SPAG9: variants seen among roughly 807,000 people sequenced by gnomAD.
SPAG9 encodes the protein sperm associated antigen 9, also known as C-Jun-amino-terminal kinase-interacting protein 4.
SPAG9 carries 35 observed loss-of-function variants against 166.5 expected under a neutral mutation model. That is an observed-to-expected ratio of 0.21 (90% CI 0.16 to 0.28). The LOEUF (loss-of-function observed/expected upper bound fraction) is 0.28, where lower values mean the gene tolerates loss of function less well. Among genes scored for constraint, SPAG9 ranks in the 10% least tolerant of loss-of-function variants. The pLI is 1.00. For missense variants in SPAG9, 1,235 were observed against 1,603.3 expected (o/e 0.77, Z 3.92); for synonymous variants, 534 against 565.5 (o/e 0.94, Z 0.79).
intron 2 of SPAG9, among the ~76,000 whole-genome samples, chr17:51,066,477 C>T (rs1369866392): frequency 6.8e-6 from 1 of 147,078 alleles, no homozygotes; most frequent in Non-Finnish European, 1.5e-5. Flanking sequence ...ATTGCTTGAA[C>T]CCAGGAGACA....
intron 19 of SPAG9, among the ~76,000 whole-genome samples, chr17:50,991,920 G>A (rs1261983959): frequency 2.2e-5 from 3 of 133,828 alleles, no homozygotes; most frequent in Admixed American, 1.6e-4. Context: ...CACCATGCCA[G>A]GTCTTTTTTT....
At position 51,007,339 on chromosome 17, in the gene SPAG9, A is replaced by G. The variant is rs1364816208; in HGVS notation, c.1214-13T>C. 2 of 1,512,728 alleles carry G rather than the reference A, an allele frequency of 1.3e-6. No homozygotes were observed. The highest frequency in any genetic ancestry group is 1.4e-5 in the African/African-American group (1 of 72,268). 93.7% of individuals were successfully genotyped at this position (1,512,728 alleles called of 1,614,324 possible). A position where few individuals can be genotyped will look rare whatever the true frequency, so the allele number is the denominator to read the frequency against. On this transcript the variant is annotated splice_polypyrimidine_tract_variant and intron_variant, in intron 9 of 29. Coordinates refer to ENST00000262013, the MANE Select transcript of SPAG9 (RefSeq NM_001130528.3). ...TCCCGACCCATTCCTATCAAACGAA[A>G]AAAGATAAAGACTTTGAAAATAAAT...
At chr17:51,025,057 G>A (rs944739468) in intron 6 of SPAG9, among the ~76,000 whole-genome samples, 5 of 150,982 alleles carry the variant, frequency 3.3e-5, no homozygotes, top group African/African-American at 1.2e-4. Flanking sequence ...AGTGGCTCAC[G>A]CCTGTAATCC....
At chr17:51,008,770 A>G (rs922901405) in intron 9 of SPAG9, among the ~76,000 whole-genome samples, 2 of 152,164 alleles carry the variant, frequency 1.3e-5, no homozygotes, top group African/African-American at 4.8e-5. Flanking sequence ...AAAACAAAAT[A>G]AAAGTCCCAA....
chr17:51,061,411 G>C (rs1337183111), intron 2 of SPAG9, among the ~76,000 whole-genome samples: 2 of 151,904 alleles, frequency 1.3e-5, no homozygotes, highest in Non-Finnish European at 2.9e-5. Context: ...TCAGCAGTTC[G>C]AGACCAGCCT....
At chr17:50,987,497 A>G (rs1975144298) in intron 21 of SPAG9, among the ~76,000 whole-genome samples, 1 of 151,810 alleles carries the variant, frequency 6.6e-6, no homozygotes, top group Non-Finnish European at 1.5e-5. Context: ...ACACACTATC[A>G]CACCTGGCTT....
At chr17:51,019,701 A>G (rs2045858995) in intron 8 of SPAG9, among the ~76,000 whole-genome samples, 1 of 152,038 alleles carries the variant, frequency 6.6e-6, no homozygotes, top group Non-Finnish European at 1.5e-5. Context: ...AAAAATACAA[A>G]ATAAGCCAGG....
intron 3 of SPAG9, among the ~76,000 whole-genome samples, chr17:51,048,416 G>A (rs2047089716): frequency 6.6e-6 from 1 of 151,680 alleles, no homozygotes; most frequent in East Asian, 1.9e-4. Flanking sequence ...AGCAAAGGTT[G>A]ATGTCTTTCT....
chr17:50,987,953 C>T (rs556886204), intron 21 of SPAG9, among the ~76,000 whole-genome samples: 95 of 152,304 alleles, frequency 6.2e-4, no homozygotes, highest in African/African-American at 2.2e-3. Context: ...CGGTGGCTCA[C>T]GCCTATAATC....
chr17:51,036,426 C>T (rs1245437560), intron 5 of SPAG9, among the ~76,000 whole-genome samples: 1 of 152,164 alleles, frequency 6.6e-6, no homozygotes, highest in Non-Finnish European at 1.5e-5. Context: ...CATTCTAAAA[C>T]TCCCTTTGTG....
chr17:51,058,428 CA>C (rs2047416955), intron 2 of SPAG9, among the ~76,000 whole-genome samples: 1 of 152,138 alleles, frequency 6.6e-6, no homozygotes, highest in Non-Finnish European at 1.5e-5. Context: ...GTAACTTGCC[CA>C]AAGTCACACA....
chr17:51,093,526 C>A (rs2048526219), intron 1 of SPAG9, among the ~76,000 whole-genome samples: 1 of 151,524 alleles, frequency 6.6e-6, no homozygotes, highest in Non-Finnish European at 1.5e-5. Context: ...CATGGTGAAA[C>A]CCCGTCTCTA....
At chr17:51,080,563 C>G (rs2048132556) in intron 1 of SPAG9, among the ~76,000 whole-genome samples, 1 of 152,118 alleles carries the variant, frequency 6.6e-6, no homozygotes, top group Non-Finnish European at 1.5e-5. Flanking sequence ...CAACTGCCTA[C>G]TAGAAAACTT....
intron 8 of SPAG9, among the ~76,000 whole-genome samples, chr17:51,018,941 T>C (rs764222359): frequency 1.2e-4 from 18 of 152,194 alleles, no homozygotes; most frequent in Non-Finnish European, 2.5e-4. Flanking sequence ...CTATCTGCTA[T>C]AGTTTGAATG....
chr17:51,119,236 A>G (rs1366377789), intron 1 of SPAG9, among the ~76,000 whole-genome samples: 1 of 152,198 alleles, frequency 6.6e-6, no homozygotes, highest in Non-Finnish European at 1.5e-5. Context: ...GTGTCAGGAA[A>G]TGAGCTACAA....
At chr17:51,023,897 C>T (rs1055596439) in intron 6 of SPAG9, among the ~76,000 whole-genome samples, 4 of 152,222 alleles carry the variant, frequency 2.6e-5, no homozygotes, top group African/African-American at 4.8e-5. Flanking sequence ...GATGCCTGGC[C>T]TCAAGCGATC....
chr17:50,987,092 TTAAAAGCATTGACACC>T lies in SPAG9; in HGVS notation c.2939+4_2939+19del. 1 of 1,593,634 alleles carries T rather than the reference TTAAAAGCATTGACACC, an allele frequency of 6.3e-7. No homozygotes were observed. The highest frequency in any genetic ancestry group is 8.5e-7 in the Non-Finnish European group (1 of 1,174,116). On this transcript the variant is annotated splice_donor_5th_base_variant and intron_variant, in intron 22 of 29. Transcript: ENST00000262013. ...AAAAGTAAAACAACATATTCTAATG[TTAAAAGCATTGACACC>T]TACCAGCCATTTTGAGCTCCAAGCC...
chr17:51,107,444 A>G (rs1357889348), intron 1 of SPAG9, among the ~76,000 whole-genome samples: 5 of 151,856 alleles, frequency 3.3e-5, no homozygotes, highest in African/African-American at 1.2e-4. Flanking sequence ...AACACACTTT[A>G]AAGGGCAATA....
chr17:51,006,703 G>A (rs1017635046), intron 10 of SPAG9, among the ~76,000 whole-genome samples: 3 of 152,144 alleles, frequency 2.0e-5, no homozygotes. Flanking sequence ...ATTCTGTCTT[G>A]GATATACACA....
Sources: gnomAD v4.1 joint callset for allele counts (sites outside exome capture counted in the v4.1 genomes callset) on GRCh38, gnomAD v4.1.1 for gene constraint, MANE v1.5 for transcripts, NCBI Gene and HGNC (gene_info 2026-07-23, HGNC 2026-07-21) for gene names.